The following DFFB variants were observed in gnomAD, a reference collection of about 807,000 sequenced individuals.
DFFB encodes DNA fragmentation factor subunit beta.
DFFB carries 29 observed loss-of-function variants against 32.7 expected under a neutral mutation model. The ratio of observed to expected loss-of-function variants is 0.89; its 90% CI spans 0.66 to 1.21. The LOEUF (loss-of-function observed/expected upper bound fraction) is 1.21. Ranked by LOEUF, DFFB falls within the 50% of genes most tolerant of loss-of-function variation. The pLI is 0.00. For missense variants in DFFB, 398 were observed against 440.6 expected, an observed-to-expected ratio of 0.90 and a Z score of 0.87; for synonymous variants, 170 against 177.1, an observed-to-expected ratio of 0.96 and a Z score of 0.32.
At chr1:3,873,024 T>C (rs1645151732) in intron 6 of DFFB, 1 of 1,260,390 alleles carries the variant, frequency 7.9e-7, no homozygotes, top group Non-Finnish European at 1.0e-6. Flanking sequence ...AGATGGAGTC[T>C]TGCTCTGTGG....
chr1:3,878,583 T>C (rs965244106), intron 6 of DFFB, among the ~76,000 whole-genome samples: 1 of 152,234 alleles, frequency 6.6e-6, no homozygotes, highest in Non-Finnish European at 1.5e-5. Flanking sequence ...TCTGTTGACT[T>C]ACTTGAGTTT....
At chr1:3,873,810 A>G (rs769599632) in intron 6 of DFFB, among the ~76,000 whole-genome samples, 6 of 152,148 alleles carry the variant, frequency 3.9e-5, no homozygotes, top group Non-Finnish European at 8.8e-5. Flanking sequence ...ATGCTCAGCT[A>G]GTCAGTATAA....
chr1:3,869,919 A>G, intron 5 of DFFB, 144 bp downstream of exon 5: 1 of 880,662 alleles, frequency 1.1e-6, no homozygotes, highest in Non-Finnish European at 1.7e-6. Flanking sequence ...ATTCCCAGGG[A>G]GGGCGGCAGT....
chr1:3,866,992 T>C (rs1233500708), intron 3 of DFFB, among the ~76,000 whole-genome samples: 1 of 150,932 alleles, frequency 6.6e-6, no homozygotes, highest in Non-Finnish European at 1.5e-5. Flanking sequence ...ACCTCCCGGG[T>C]TCACGCCATT....
intron 2 of DFFB, among the ~76,000 whole-genome samples, chr1:3,860,883 G>C (rs965735229): frequency 6.6e-6 from 1 of 152,114 alleles, no homozygotes; most frequent in African/African-American, 2.4e-5. Flanking sequence ...GGCCAGGTGC[G>C]GTGGCTTACA....
At position 3,869,751 on chromosome 1, in the gene DFFB, A is replaced by G. The variant is rs1476131585; in HGVS notation, c.657A>G (p.Thr219=). ...RGAKGGSRLC[T]PEGWFSCQGP... is the part of the protein sequence containing the mutation. The stretch of plus-strand genomic sequence containing the variant: ...CCAAGGGCGGCAGCCGCCTCTGCAC[A>G]CCGGAAGGCTGGTTCTCCTGCCAGG... The change falls in exon 5 of 7, where the codon ACA becomes ACG. Residue 219 remains threonine, a synonymous_variant. Coordinates refer to ENST00000378209, the MANE Select transcript of DFFB (RefSeq NM_004402.4). The G allele has an allele frequency of 6.2e-7, 1 of 1,607,002 alleles. No homozygotes were observed. Among genetic ancestry groups the G allele is most frequent in the Non-Finnish European group, 8.5e-7 (1 of 1,175,202 alleles).
At chr1:3,867,851 A>G (rs1645014693) in intron 3 of DFFB, 123 bp from the exon 4 acceptor site, 2 of 838,804 alleles carry the variant, frequency 2.4e-6, no homozygotes, top group African/African-American at 1.7e-5. Flanking sequence ...AGACCCTGTC[A>G]AAAAGATGAA....
chr1:3,872,923 C>G, intron 6 of DFFB: 1 of 1,215,338 alleles, frequency 8.2e-7, no homozygotes, highest in Non-Finnish European at 1.0e-6. Context: ...TTCTGAACCT[C>G]TGTGAGTTTG....
intron 6 of DFFB, among the ~76,000 whole-genome samples, chr1:3,878,528 C>T (rs72848499): frequency 0.04 from 6,145 of 152,272 alleles, 422 homozygotes; most frequent in African/African-American, 0.14. Flanking sequence ...TGGGTTTGTA[C>T]CCACCATGCC....
chr1:3,872,681 A>AAGGAGG, intron 6 of DFFB, 109 bp downstream of exon 6: 1 of 977,976 alleles, frequency 1.0e-6, no homozygotes, highest in Non-Finnish European at 1.6e-6. Flanking sequence ...TGTCCCTGCC[A>AAGGAGG]CGGTGTTGCC....
intron 2 of DFFB, among the ~76,000 whole-genome samples, chr1:3,860,091 C>G (rs1488864781): frequency 6.6e-6 from 1 of 151,972 alleles, no homozygotes; most frequent in Non-Finnish European, 1.5e-5. Context: ...AATTTTTTTT[C>G]TTTTCTTTTA....
intron 4 of DFFB, among the ~76,000 whole-genome samples, chr1:3,868,291 G>A (rs1444532621): frequency 6.6e-6 from 1 of 152,134 alleles, no homozygotes; most frequent in African/African-American, 2.4e-5. Flanking sequence ...GGGTTGGGGA[G>A]CGGGGAGGTG....
intron 5 of DFFB, among the ~76,000 whole-genome samples, chr1:3,872,182 A>C (rs1645127814): frequency 6.6e-6 from 1 of 152,182 alleles, no homozygotes; most frequent in African/African-American, 2.4e-5. Context: ...TGGGAGGCCA[A>C]GGCGGGCGGA....
chr1:3,857,560 G>A lies in DFFB; in HGVS notation c.-44G>A, dbSNP rs761140688. On this transcript the variant is annotated 5_prime_UTR_variant, in exon 1 of 7. Coordinates refer to ENST00000378209, the MANE Select transcript of DFFB (RefSeq NM_004402.4). The stretch of plus-strand genomic sequence containing the variant: ...GACGGATCTGAGCAGCTGGGCAGCA[G>A]GTGCCACCGCCTGTGGGACCCAGAG... 49 of 1,428,730 alleles carry A rather than the reference G, an allele frequency of 3.4e-5. No homozygotes were observed. The African/African-American group carries it at 6.3e-4, about 18-fold the overall frequency. 88.5% of individuals were successfully genotyped at this position (1,428,730 alleles called of 1,614,324 possible). A position where few individuals can be genotyped will look rare whatever the true frequency, so the allele number is the denominator to read the frequency against.
intron 4 of DFFB, among the ~76,000 whole-genome samples, chr1:3,868,678 C>CACCACGCCACACCACACCAG (rs1557716277): frequency 8.6e-5 from 1 of 11,652 alleles, no homozygotes; most frequent in Non-Finnish European, 1.7e-4. Context: ...CACCACACCA[C>CACCACGCCACACCACACCAG]GCCACACCAC....
chr1:3,874,494 C>T (rs1185579158), intron 6 of DFFB, among the ~76,000 whole-genome samples: 3 of 36,316 alleles, frequency 8.3e-5, no homozygotes, highest in African/African-American at 1.2e-4. Flanking sequence ...TGGTGGCCCA[C>T]GCTGTGGTCT....
chr1:3,866,357 G>T (rs1027713646), intron 3 of DFFB: 6 of 318,048 alleles, frequency 1.9e-5, no homozygotes, highest in Non-Finnish European at 3.7e-5. Context: ...CCAGGTTAAA[G>T]CGATTCTCCT....
rs371811660 is a variant in DFFB, at chr1:3,882,687, C to T, written c.783-820C>T. On this transcript the variant is annotated intron_variant, in intron 6 of 6. Coordinates refer to ENST00000378209, the MANE Select transcript of DFFB (RefSeq NM_004402.4). ...GCCTCATTTGTTTCTTAAACAGATA[C>T]GCATATATGCATATAACGGTATAAG... 5.9e-5 allele frequency among the ~76,000 whole-genome samples: 9 copies of T among 152,092 alleles called. No individual in the cohort carries two copies. In the East Asian group the frequency reaches 9.7e-4, roughly 16 times the overall value.
intron 3 of DFFB, chr1:3,866,363 C>T: frequency 3.3e-6 from 1 of 302,460 alleles, no homozygotes; most frequent in Non-Finnish European, 6.6e-6. Context: ...TAAAGCGATT[C>T]TCCTGCCTCA....
Sources: gnomAD v4.1 joint callset for allele counts (sites outside exome capture counted in the v4.1 genomes callset) on GRCh38, gnomAD v4.1.1 for gene constraint, MANE v1.5 for transcripts, NCBI Gene and HGNC (gene_info 2026-07-23, HGNC 2026-07-21) for gene names.